BTD: variants seen among roughly 807,000 people sequenced by gnomAD.
The protein encoded by BTD is biocytinase.
A neutral mutation model predicts 17.7 loss-of-function variants in BTD; 13 were observed. The observed-to-expected ratio is 0.74, with a 90% confidence interval of 0.48 to 1.17. The LOEUF (loss-of-function observed/expected upper bound fraction) is 1.17, where lower values mean the gene tolerates loss of function less well. Among genes scored for constraint, BTD ranks in the 50% most tolerant of loss-of-function variants. The probability of loss-of-function intolerance (pLI) is 0.00; values close to 1 mark genes in which losing one functional copy is unlikely to be tolerated. For missense variants in BTD, 674 were observed against 650.4 expected (o/e 1.04, Z -0.39); for synonymous variants, 240 against 245.2 (o/e 0.98, Z 0.20).
intron 3 of BTD, chr3:15,685,066 A>G: frequency 1.5e-6 from 1 of 658,508 alleles, no homozygotes; most frequent in South Asian, 1.9e-5. Context: ...AAAGGACAGG[A>G]GTGAGCCTAC....
chr3:15,619,959 T>C (rs2064902108), intron 1 of BTD, among the ~76,000 whole-genome samples: 1 of 152,070 alleles, frequency 6.6e-6, no homozygotes, highest in Non-Finnish European at 1.5e-5. Context: ...GATCACATGC[T>C]TCAAAGGGCA....
chr3:15,623,146 T>G (rs574068380), intron 1 of BTD, among the ~76,000 whole-genome samples: 7 of 152,346 alleles, frequency 4.6e-5, no homozygotes, highest in African/African-American at 1.7e-4. Flanking sequence ...ACCACTCCCA[T>G]GATTCAATTA....
At chr3:15,714,328 A>C (rs577713244), downstream of BTD, among the ~76,000 whole-genome samples, 1 of 152,246 alleles carries the variant, frequency 6.6e-6, no homozygotes, top group South Asian at 2.1e-4. Context: ...TATTGAAAAA[A>C]GCTAATACTA....
At chr3:15,603,433 G>A (rs191501268) in intron 1 of BTD, among the ~76,000 whole-genome samples, 28 of 152,226 alleles carry the variant, frequency 1.8e-4, no homozygotes, top group East Asian at 1.2e-3. Context: ...CGAGGCGGGC[G>A]GATCATGAGG....
In BTD at chr3:15,676,916, T is replaced by C. The variant is rs1180856500; in HGVS notation, c.400-33144T>C. 9.9e-6 allele frequency: 14 copies of C among 1,415,920 alleles called. No homozygotes were observed. The African/African-American group carries it at 1.9e-4, about 19-fold the overall frequency. The allele number at this position is 1,415,920 out of a possible 1,614,324, so 87.7% of individuals were successfully genotyped here. ...ATAGTCACATGTTTAAAAAAATCCATTTATCATTTTTATAATTATAGGTCA... is the reference window on the plus strand; with the variant it reads ...ATAGTCACATGTTTAAAAAAATCCACTTATCATTTTTATAATTATAGGTCA... On this transcript the variant is annotated intron_variant, in intron 3 of 3. Transcript: ENST00000672141.
intron 3 of BTD, among the ~76,000 whole-genome samples, chr3:15,660,933 G>A (rs907533595): frequency 1.3e-5 from 2 of 152,058 alleles, no homozygotes; most frequent in Non-Finnish European, 2.9e-5. Flanking sequence ...AATGTCTTCC[G>A]AAGTGGCTGA....
intron 1 of BTD, among the ~76,000 whole-genome samples, chr3:15,603,341 C>T (rs1440310939): frequency 3.3e-5 from 5 of 152,142 alleles, no homozygotes; most frequent in South Asian, 4.1e-4. Context: ...AAGTCCCTTC[C>T]GCCTATGAGC....
chr3:15,636,607 A>C (rs1450319058), intron 2 of BTD, among the ~76,000 whole-genome samples: 1 of 152,184 alleles, frequency 6.6e-6, no homozygotes, highest in Non-Finnish European at 1.5e-5. Flanking sequence ...CATTGTGAGC[A>C]ACACTTTCCT....
At chr3:15,613,718 A>G (rs1383042381) in intron 1 of BTD, among the ~76,000 whole-genome samples, 1 of 152,072 alleles carries the variant, frequency 6.6e-6, no homozygotes, top group Admixed American at 6.6e-5. Flanking sequence ...TTCGTATAGT[A>G]TCTTTCAAAA....
At chr3:15,656,706 G>A (rs952503809), downstream of BTD, among the ~76,000 whole-genome samples, 1 of 152,076 alleles carries the variant, frequency 6.6e-6, no homozygotes, top group African/African-American at 2.4e-5. Flanking sequence ...TCTCCCTCCG[G>A]GCTGGAGGCT....
chr3:15,643,613 G>A (rs1575027462), intron 3 of BTD, among the ~76,000 whole-genome samples: 2 of 152,282 alleles, frequency 1.3e-5, no homozygotes, highest in Admixed American at 1.3e-4. Context: ...ATGAGATTGA[G>A]CATCTTTTGA....
In BTD at chr3:15,692,797, C is replaced by T. The variant is rs543162190; in HGVS notation, c.400-17263C>T. Among the ~76,000 whole-genome samples, 4 of 152,310 alleles carry T rather than the reference C, an allele frequency of 2.6e-5. No homozygotes were observed. The South Asian group carries it at 8.3e-4, about 32-fold the overall frequency. On this transcript the variant is annotated intron_variant, in intron 3 of 3. Coordinates refer to the BTD transcript ENST00000672141. ...ATTATTTCAATTTTTAGTTTAAAAACACTATTTAGTATACCTATGGCATAG... is the reference window on the plus strand; with the variant it reads ...ATTATTTCAATTTTTAGTTTAAAAATACTATTTAGTATACCTATGGCATAG...
Position 15,702,357 on chromosome 3 carries a change from G to A in BTD, c.400-7703G>A, listed in dbSNP as rs146086265. 1.6e-4 allele frequency among the ~76,000 whole-genome samples: 25 copies of A among 152,208 alleles called. No homozygotes were observed. In the East Asian group the frequency reaches 4.8e-3, roughly 29 times the overall value. On this transcript the variant is annotated intron_variant, in intron 3 of 3. Coordinates refer to the BTD transcript ENST00000672141. ...ATGTGAACTTCATTAGAGGGTGGGG[G>A]CAGAAGAGTCTGTATACTCTTTTTT...
intron 3 of BTD, chr3:15,685,174 T>TA: frequency 5.0e-6 from 8 of 1,584,312 alleles, no homozygotes; most frequent in Non-Finnish European, 6.9e-6. Context: ...TATGTCATTC[T>TA]TTTATCTCTG....
chr3:15,654,934 T>C (rs1307372511), downstream of BTD, among the ~76,000 whole-genome samples: 1 of 152,168 alleles, frequency 6.6e-6, no homozygotes, highest in Non-Finnish European at 1.5e-5. Context: ...GGTTTCTTCA[T>C]GTTGGTCAGG....
intron 1 of BTD, among the ~76,000 whole-genome samples, chr3:15,613,572 T>C (rs1247567077): frequency 1.3e-5 from 2 of 152,058 alleles, no homozygotes; most frequent in Non-Finnish European, 2.9e-5. Flanking sequence ...CTCCCCTTTT[T>C]CCCTTTCATC....
intron 3 of BTD, among the ~76,000 whole-genome samples, chr3:15,698,730 G>A (rs1016562105): frequency 1.3e-5 from 2 of 152,244 alleles, no homozygotes; most frequent in East Asian, 3.9e-4. Flanking sequence ...ACTGCTCAAT[G>A]AAATAAAAGA....
chr3:15,686,463 A>T (rs2068141966), intron 3 of BTD: 2 of 643,850 alleles, frequency 3.1e-6, no homozygotes, highest in Admixed American at 2.9e-5. Flanking sequence ...GAAGGTTTCT[A>T]CGGCCTTTGA....
rs2064421243 is a variant in BTD, at chr3:15,605,493, C to T, written c.-17+3599C>T. Among the ~76,000 whole-genome samples, 4 of 152,258 alleles carry T rather than the reference C, an allele frequency of 2.6e-5. No homozygotes were observed. In the South Asian group the frequency reaches 8.3e-4, roughly 32 times the overall value. On this transcript the variant is annotated intron_variant, in intron 1 of 3. Transcript: ENST00000643237. ...ACCAAACCATATCAGGGACCCATCT[C>T]AGAGGGTGACTTCTTTCAAGTCTCA... is the stretch of plus-strand genomic sequence containing the variant.
Sources: gnomAD v4.1 joint callset for allele counts (sites outside exome capture counted in the v4.1 genomes callset) on GRCh38, gnomAD v4.1.1 for gene constraint, MANE v1.5 for transcripts, NCBI Gene and HGNC (gene_info 2026-07-23, HGNC 2026-07-21) for gene names.